Variants in TRIP4 observed in about 807,000 individuals in gnomAD.
TRIP4 encodes activating signal cointegrator 1.
TRIP4 carries 54 observed loss-of-function variants against 81.8 expected under a neutral mutation model. The observed-to-expected ratio is 0.66, with a 90% CI of 0.53 to 0.83. The LOEUF (loss-of-function observed/expected upper bound fraction) is 0.83. Ranked by LOEUF, TRIP4 falls within the 40% of genes least tolerant of loss-of-function variation. The pLI is 0.00. For synonymous variants in TRIP4, 270 were observed against 242.8 expected (o/e 1.11, Z -1.04); for missense variants, 662 against 683.6 (o/e 0.97, Z 0.35).
At chr15:64,388,518 A>G (rs979009576) in intron 1 of TRIP4, among the ~76,000 whole-genome samples, 1 of 152,108 alleles carries the variant, frequency 6.6e-6, no homozygotes, top group African/African-American at 2.4e-5. Flanking sequence ...CATGTTGGCC[A>G]GGCTAGTCTC....
intron 9 of TRIP4, among the ~76,000 whole-genome samples, chr15:64,422,550 G>A (rs1013936210): frequency 6.6e-6 from 1 of 152,124 alleles, no homozygotes; most frequent in Non-Finnish European, 1.5e-5. Flanking sequence ...ATGGGAATCC[G>A]CTTCTGCTCC....
At chr15:64,396,380 G>A (rs563562903) in intron 3 of TRIP4, among the ~76,000 whole-genome samples, 20 of 142,846 alleles carry the variant, frequency 1.4e-4, no homozygotes, top group African/African-American at 5.0e-4. Context: ...TGGTTCAAAC[G>A]ATTCTCCTGC....
rs753037971 is a variant in TRIP4, at chr15:64,454,978, T to G, written c.1679-19T>G. 57 of 1,612,344 alleles carry G rather than the reference T, an allele frequency of 3.5e-5. No individual in the cohort carries two copies. The highest frequency in any genetic ancestry group is 4.6e-5 in the Non-Finnish European group (54 of 1,178,814). ...CAAATACAAAAATAAATAATGAGAC[T>G]TATTTTTCTCCCTTACAGGGAAATT... On this transcript the variant is annotated intron_variant, in intron 12 of 12. Coordinates refer to ENST00000261884, the MANE Select transcript of TRIP4 (RefSeq NM_016213.5).
intron 8 of TRIP4, among the ~76,000 whole-genome samples, chr15:64,416,456 C>T (rs975239398): frequency 6.6e-6 from 1 of 152,038 alleles, no homozygotes; most frequent in African/African-American, 2.4e-5. Flanking sequence ...GGTGTGGTGG[C>T]TCACGTCTGT....
At chr15:64,448,413 G>T (rs1892682050) in intron 12 of TRIP4, among the ~76,000 whole-genome samples, 3 of 152,210 alleles carry the variant, frequency 2.0e-5, no homozygotes, top group Admixed American at 1.3e-4. Flanking sequence ...TATTGTTTCT[G>T]TTAGTTAATG....
chr15:64,393,150 A>C (rs1220939296), intron 1 of TRIP4, among the ~76,000 whole-genome samples: 1 of 147,700 alleles, frequency 6.8e-6, no homozygotes, highest in Non-Finnish European at 1.5e-5. Flanking sequence ...CTTGTATGTT[A>C]ATTTTTTTTT....
At chr15:64,398,939 CTTTTTTTTTTTTTTTTTTTTTTT>C in intron 4 of TRIP4, among the ~76,000 whole-genome samples, 2 of 79,232 alleles carry the variant, frequency 2.5e-5, no homozygotes, top group East Asian at 6.8e-4. Flanking sequence ...TTCTTTTTTC[CTTTTTTTTTTTTTTTTTTTTTTT>C]TTTTTGAGAC....
At chr15:64,447,463 G>A (rs1241133049) in intron 12 of TRIP4, among the ~76,000 whole-genome samples, 1 of 152,216 alleles carries the variant, frequency 6.6e-6, no homozygotes, top group Admixed American at 6.5e-5. Context: ...TACTGATGCT[G>A]TTGGCCAGCT....
chr15:64,410,054 C>G (rs1891727722), intron 7 of TRIP4, among the ~76,000 whole-genome samples: 2 of 123,344 alleles, frequency 1.6e-5, no homozygotes, highest in South Asian at 2.8e-4. Context: ...GAGATGGAGT[C>G]TCGCTTTGTT....
intron 11 of TRIP4, among the ~76,000 whole-genome samples, chr15:64,427,275 T>C (rs1892170910): frequency 6.6e-6 from 1 of 152,224 alleles, no homozygotes; most frequent in Admixed American, 6.5e-5. Flanking sequence ...AGTTTCATTT[T>C]TCCCAGCAAA....
chr15:64,438,441 TCCCAAGTA>T (rs1381223922), intron 11 of TRIP4, among the ~76,000 whole-genome samples: 2 of 152,228 alleles, frequency 1.3e-5, no homozygotes, highest in Non-Finnish European at 2.9e-5. Context: ...TGCCTCAGCC[TCCCAAGTA>T]GCTGGGATTA....
chr15:64,400,403 C>T (rs770897362), intron 4 of TRIP4, among the ~76,000 whole-genome samples: 16 of 151,264 alleles, frequency 1.1e-4, no homozygotes, highest in Non-Finnish European at 1.5e-4. Context: ...CGAATTCCTG[C>T]ACTCAAGCAA....
chr15:64,409,711 G>T lies in TRIP4; in HGVS notation c.926G>T (p.Arg309Leu). Residue 309 changes from arginine (R) to leucine (L), a missense_variant, in exon 7 of 13, where the codon CGA becomes CTA. By Grantham distance (102) the Arg-to-Leu change is moderately radical. Coordinates refer to ENST00000261884, the MANE Select transcript of TRIP4 (RefSeq NM_016213.5). ...SKLERETLQKREEELRELRHA... is the reference protein window; with the variant it reads ...SKLERETLQKLEEELRELRHA... ...CTTGAGCGGGAAACCTTGCAGAAGC[G>T]AGAGGAGGAGCTGAGAGAACTTCGA... is the stretch of plus-strand genomic sequence containing the variant. The T allele has an allele frequency of 6.2e-7, 1 of 1,614,142 alleles. No homozygotes were observed. The highest frequency in any genetic ancestry group is 8.5e-7 in the Non-Finnish European group (1 of 1,180,034).
At chr15:64,438,407 C>T (rs573701974) in intron 11 of TRIP4, among the ~76,000 whole-genome samples, 2 of 152,290 alleles carry the variant, frequency 1.3e-5, no homozygotes, top group East Asian at 3.9e-4. Context: ...GCAACCTCTG[C>T]CTCCCAGGTT....
chr15:64,450,987 C>T (rs1892745185), intron 12 of TRIP4: 1 of 210,390 alleles, frequency 4.8e-6, no homozygotes, highest in Admixed American at 4.8e-5. Flanking sequence ...AATTAAAAGA[C>T]TTGCCTGGGG....
chr15:64,425,015 G>A (rs748638778), intron 10 of TRIP4, among the ~76,000 whole-genome samples: 2 of 152,100 alleles, frequency 1.3e-5, no homozygotes, highest in Non-Finnish European at 1.5e-5. Flanking sequence ...GACCTCAAGT[G>A]ATCTGCCTGC....
chr15:64,418,815 C>T (rs1368142556), intron 9 of TRIP4, 87 bp downstream of exon 9: 3 of 1,275,972 alleles, frequency 2.4e-6, no homozygotes, highest in Non-Finnish European at 3.2e-6. Context: ...TAGTTTTCCT[C>T]AATCTAGTGA....
In TRIP4 at chr15:64,394,106, A is replaced by G. The variant is rs371614706; in HGVS notation, c.262A>G (p.Lys88Glu). 20 of 1,594,376 alleles carry G rather than the reference A, an allele frequency of 1.3e-5. No homozygotes were observed. The African/African-American group carries it at 2.0e-4, about 16-fold the overall frequency. Residue 88 changes from lysine to glutamate, a missense_variant, in exon 2 of 13, where the codon AAA (lysine) becomes GAA (glutamate). By Grantham distance (56) the Lys-to-Glu change is moderately conservative. Transcript: ENST00000261884. ...TTCGGATCCTTTGCAGCAGTGCTTCAAAAAAGATGGTAAGTTAATGTAATT... is the reference window on the plus strand; with the variant it reads ...TTCGGATCCTTTGCAGCAGTGCTTCGAAAAAGATGGTAAGTTAATGTAATT... ...LISDPLQQCF[K>E]KDEILDGQKS...
intron 5 of TRIP4, among the ~76,000 whole-genome samples, 183 bp downstream of exon 5, chr15:64,401,004 C>G (rs1026344466): frequency 2.0e-5 from 3 of 152,070 alleles, no homozygotes; most frequent in Non-Finnish European, 4.4e-5. Context: ...TCTTATCACC[C>G]AGGCTGGAGA....
Sources: allele counts gnomAD v4.1 joint callset (sites outside exome capture counted in the v4.1 genomes callset), GRCh38; gene constraint gnomAD v4.1.1; transcripts MANE v1.5; gene names NCBI Gene and HGNC (gene_info 2026-07-23, HGNC 2026-07-21).